GPC6: variants seen among roughly 807,000 people sequenced by gnomAD.
GPC6 encodes glypican 6, also known as glypican-6.
GPC6 carries 14 observed loss-of-function variants against 55.2 expected under a neutral mutation model. The observed-to-expected ratio is 0.25, with a 90% confidence interval of 0.17 to 0.40. The LOEUF (loss-of-function observed/expected upper bound fraction) is 0.40, where lower values mean the gene tolerates loss of function less well. Ranked by LOEUF, GPC6 falls within the 10% of genes least tolerant of loss-of-function variation. The pLI, the probability that GPC6 is intolerant of heterozygous loss-of-function variation, is 1.00. For synonymous variants in GPC6, 278 were observed against 259.6 expected (o/e 1.07, Z -0.68); for missense variants, 641 against 708.5 (o/e 0.90, Z 1.08).
intron 2 of GPC6, among the ~76,000 whole-genome samples, chr13:93,641,411 C>T (rs1879932382): frequency 6.6e-6 from 1 of 152,074 alleles, no homozygotes; most frequent in South Asian, 2.1e-4. Context: ...CTTGTGGCCC[C>T]CATGTTTATC....
At chr13:93,847,634 A>G (rs1370493860) in intron 3 of GPC6, among the ~76,000 whole-genome samples, 1 of 152,184 alleles carries the variant, frequency 6.6e-6, no homozygotes, top group Non-Finnish European at 1.5e-5. Context: ...TAAGTTAACC[A>G]AATTGACATT....
Position 94,026,749 on chromosome 13 carries a change from A to G in GPC6, c.712-980A>G, listed in dbSNP as rs200104356. On this transcript the variant is annotated intron_variant, in intron 3 of 8. Coordinates refer to ENST00000377047, the MANE Select transcript of GPC6 (RefSeq NM_005708.5). ...GGCTGAGGAGGTCTCAAGAAACTAC[A>G]ATCATGGCAGAAGGGGAAGCAAACA... 9.2e-5 allele frequency among the ~76,000 whole-genome samples: 14 copies of G among 152,294 alleles called. No individual in the cohort carries two copies. The East Asian group carries it at 2.5e-3, about 27-fold the overall frequency.
rs201589488 is a variant in GPC6 at position 94,031,058 on chromosome 13, GTGTGCA to G, written c.877+3170_877+3175del. Among the ~76,000 whole-genome samples the G allele has an allele frequency of 5.6e-3, 843 of 151,050 alleles. 12 individuals carry two copies. Among genetic ancestry groups the G allele is most frequent in the African/African-American group, 0.019 (789 of 40,992 alleles). ...CGTGTGTGCGTTTGTGCGTTTGTGC[GTGTGCA>G]TGTGCGTGTGCGTGTGCGTGTGTGT... is the stretch of plus-strand genomic sequence containing the variant. On this transcript the variant is annotated intron_variant, in intron 4 of 8. Transcript: ENST00000377047.
chr13:94,097,637 A>C (rs1885716542), intron 4 of GPC6, among the ~76,000 whole-genome samples: 1 of 152,172 alleles, frequency 6.6e-6, no homozygotes, highest in African/African-American at 2.4e-5. Context: ...TGAACTGTTC[A>C]CTTTAAAATA....
At chr13:93,578,049 C>T (rs1201358136) in intron 2 of GPC6, among the ~76,000 whole-genome samples, 1 of 151,958 alleles carries the variant, frequency 6.6e-6, no homozygotes, top group Admixed American at 6.6e-5. Context: ...TGGTATGAAT[C>T]CCAGTTGATC....
At chr13:93,692,622 C>T (rs1276496801) in intron 2 of GPC6, among the ~76,000 whole-genome samples, 3 of 151,942 alleles carry the variant, frequency 2.0e-5, no homozygotes, top group Non-Finnish European at 4.4e-5. Flanking sequence ...TTCCTTCTAC[C>T]ATCTTAAATT....
chr13:93,650,514 T>C (rs192697934), intron 2 of GPC6, among the ~76,000 whole-genome samples: 3 of 151,986 alleles, frequency 2.0e-5, no homozygotes, highest in East Asian at 3.9e-4. Context: ...AAATACTGCC[T>C]TTCTAACACA....
At chr13:93,760,408 G>C (rs1332500510) in intron 2 of GPC6, among the ~76,000 whole-genome samples, 1 of 152,138 alleles carries the variant, frequency 6.6e-6, no homozygotes, top group African/African-American at 2.4e-5. Flanking sequence ...CCTGGAGTAA[G>C]AGAGGATTTG....
rs1397255810 is a variant in GPC6 at position 94,241,478 on chromosome 13, A to C, written c.878-44871A>C. Among the ~76,000 whole-genome samples the C allele has an allele frequency of 3.9e-5, 6 of 152,246 alleles. No homozygotes were observed. The South Asian group carries it at 6.2e-4, about 16-fold the overall frequency. On this transcript the variant is annotated intron_variant, in intron 4 of 8. Coordinates refer to ENST00000377047, the MANE Select transcript of GPC6 (RefSeq NM_005708.5). Reference sequence around the variant, plus strand: ...TCATTATACATATTTTCACATTTGTAGTGTATATATAATCTAGATGAGTTT... The same window carrying C: ...TCATTATACATATTTTCACATTTGTCGTGTATATATAATCTAGATGAGTTT...
chr13:94,214,479 A>T (rs1177064903), intron 4 of GPC6, among the ~76,000 whole-genome samples: 1 of 152,190 alleles, frequency 6.6e-6, no homozygotes, highest in Non-Finnish European at 1.5e-5. Flanking sequence ...GGTATTATAT[A>T]TTAGAAATCT....
chr13:93,954,749 C>T (rs1373458774), intron 3 of GPC6, among the ~76,000 whole-genome samples: 2 of 152,150 alleles, frequency 1.3e-5, no homozygotes, highest in East Asian at 3.9e-4. Flanking sequence ...ATTCTTCATT[C>T]ATTCTGGTTT....
At chr13:93,711,286 T>C (rs1429829340) in intron 2 of GPC6, among the ~76,000 whole-genome samples, 2 of 151,598 alleles carry the variant, frequency 1.3e-5, no homozygotes, top group African/African-American at 2.4e-5. Flanking sequence ...TGGTGGAAAA[T>C]GAACATGGAA....
intron 2 of GPC6, among the ~76,000 whole-genome samples, chr13:93,785,771 G>A (rs1272257612): frequency 6.6e-6 from 1 of 151,982 alleles, no homozygotes; most frequent in Non-Finnish European, 1.5e-5. Context: ...GAACAGCCTG[G>A]GCAACATAGC....
chr13:94,313,838 T>C (rs1876380870), intron 6 of GPC6, among the ~76,000 whole-genome samples: 1 of 152,198 alleles, frequency 6.6e-6, no homozygotes, highest in Admixed American at 6.5e-5. Context: ...AAATGAAATG[T>C]TACACTTTCA....
chr13:94,083,747 A>T (rs937449453), intron 4 of GPC6, among the ~76,000 whole-genome samples: 1 of 152,244 alleles, frequency 6.6e-6, no homozygotes, highest in African/African-American at 2.4e-5. Flanking sequence ...ATAAACACTT[A>T]TGTGACAGCT....
chr13:93,540,796 A>G (rs951679372), intron 1 of GPC6, among the ~76,000 whole-genome samples: 1 of 152,122 alleles, frequency 6.6e-6, no homozygotes, highest in African/African-American at 2.4e-5. Context: ...CCTATTAGCT[A>G]TAATTTTGTA....
chr13:93,950,174 A>AT (rs1879190726), intron 3 of GPC6, among the ~76,000 whole-genome samples: 1 of 152,156 alleles, frequency 6.6e-6, no homozygotes, highest in African/African-American at 2.4e-5. Flanking sequence ...TGTCATATAT[A>AT]TTTTACCACG....
intron 5 of GPC6, among the ~76,000 whole-genome samples, chr13:94,299,303 C>T (rs940003865): frequency 6.6e-6 from 1 of 152,188 alleles, no homozygotes; most frequent in South Asian, 2.1e-4. Context: ...TCTATCTTCC[C>T]AACAGCTTTG....
At chr13:93,289,332 T>G (rs1878241735) in intron 1 of GPC6, among the ~76,000 whole-genome samples, 1 of 152,136 alleles carries the variant, frequency 6.6e-6, no homozygotes, top group Admixed American at 6.6e-5. Flanking sequence ...TAGTAGTATG[T>G]GCCCTAGGGC....
Sources: allele counts gnomAD v4.1 joint callset (sites outside exome capture counted in the v4.1 genomes callset), GRCh38; gene constraint gnomAD v4.1.1; transcripts MANE v1.5; gene names NCBI Gene and HGNC (gene_info 2026-07-23, HGNC 2026-07-21).